Variants in DAB1 observed in about 807,000 individuals in gnomAD.
DAB1 encodes disabled homolog 1.
DAB1 carries 15 observed loss-of-function variants against 64.6 expected under a neutral mutation model. The ratio of observed to expected loss-of-function variants is 0.23; its 90% CI spans 0.16 to 0.36. The LOEUF (loss-of-function observed/expected upper bound fraction) is 0.36, where lower values mean the gene tolerates loss of function less well. DAB1 is among the 10% of genes least tolerant of loss of function. DAB1 has a pLI of 1.00. For synonymous variants in DAB1, 235 were observed against 251.9 expected, an observed-to-expected ratio of 0.93 and a Z score of 0.64; for missense variants, 596 against 706.7, an observed-to-expected ratio of 0.84 and a Z score of 1.78.
At chr1:57,831,346 A>G (rs182786637) in intron 1 of DAB1, among the ~76,000 whole-genome samples, 2 of 152,220 alleles carry the variant, frequency 1.3e-5, no homozygotes, top group African/African-American at 4.8e-5. Flanking sequence ...GTCTAGCTGT[A>G]TATCTGGAGG....
chr1:58,068,715 G>A (rs1649021288), intron 5 of DAB1, among the ~76,000 whole-genome samples: 1 of 145,698 alleles, frequency 6.9e-6, no homozygotes. Context: ...GCAGTGAGCT[G>A]AGATTGCACC....
chr1:58,083,012 A>AT (rs1289907612), intron 5 of DAB1, among the ~76,000 whole-genome samples: 1 of 152,166 alleles, frequency 6.6e-6, no homozygotes, highest in Non-Finnish European at 1.5e-5. Flanking sequence ...CTAACTTGTG[A>AT]TTTTTGATAA....
chr1:57,156,548 TA>T (rs1193705195), intron 2 of DAB1, among the ~76,000 whole-genome samples: 1 of 152,156 alleles, frequency 6.6e-6, no homozygotes, highest in Non-Finnish European at 1.5e-5. Flanking sequence ...CTAAAGTGGG[TA>T]ATGGACTCCA....
intron 1 of DAB1, among the ~76,000 whole-genome samples, chr1:57,317,452 T>A (rs905100418): frequency 6.6e-6 from 1 of 152,198 alleles, no homozygotes; most frequent in African/African-American, 2.4e-5. Context: ...AACACAATTT[T>A]TTTTAGTCAC....
intron 3 of DAB1, among the ~76,000 whole-genome samples, chr1:58,456,551 G>A (rs989844682): frequency 1.3e-5 from 2 of 152,212 alleles, no homozygotes; most frequent in South Asian, 2.1e-4. Context: ...AAGGCTGAGT[G>A]AGGACGGCAG....
chr1:57,136,715 C>G, intron 3 of DAB1, 74 bp from the exon 4 acceptor site: 2 of 904,518 alleles, frequency 2.2e-6, no homozygotes, highest in Non-Finnish European at 3.2e-6. Context: ...AAAGGTATGT[C>G]CGATACCATC....
At chr1:57,774,654 T>A (rs1649710545) in intron 6 of DAB1, among the ~76,000 whole-genome samples, 1 of 151,854 alleles carries the variant, frequency 6.6e-6, no homozygotes, top group South Asian at 2.1e-4. Flanking sequence ...TTTGTATCTA[T>A]AGCGATAGCT....
At chr1:58,051,485 G>A (rs1271339461) in intron 5 of DAB1, among the ~76,000 whole-genome samples, 1 of 152,150 alleles carries the variant, frequency 6.6e-6, no homozygotes, top group East Asian at 1.9e-4. Flanking sequence ...CTTTGCTATT[G>A]TGAATAGTGC....
At chr1:58,076,679 G>C (rs1173374976) in intron 5 of DAB1, among the ~76,000 whole-genome samples, 1 of 152,200 alleles carries the variant, frequency 6.6e-6, no homozygotes. Flanking sequence ...AGTCTTTCCA[G>C]TTCTACTGCA....
chr1:58,226,658 G>A (rs1334921131), intron 4 of DAB1, among the ~76,000 whole-genome samples: 3 of 152,208 alleles, frequency 2.0e-5, no homozygotes, highest in Non-Finnish European at 4.4e-5. Context: ...TTGAATGTTT[G>A]ATTTCTCAGT....
At chr1:57,209,750 C>T (rs1665858370) in intron 2 of DAB1, among the ~76,000 whole-genome samples, 1 of 152,122 alleles carries the variant, frequency 6.6e-6, no homozygotes, top group African/African-American at 2.4e-5. Flanking sequence ...GTTCATAATA[C>T]TTCGCCCTCT....
intron 4 of DAB1, among the ~76,000 whole-genome samples, chr1:58,257,387 G>A (rs1226737326): frequency 6.6e-6 from 1 of 152,198 alleles, no homozygotes; most frequent in East Asian, 1.9e-4. Flanking sequence ...AATCCAGCCT[G>A]CTCTCCAAAC....
intron 7 of DAB1, among the ~76,000 whole-genome samples, chr1:57,585,289 G>A (rs1463614390): frequency 2.1e-5 from 3 of 142,748 alleles, no homozygotes; most frequent in Admixed American, 7.1e-5. Flanking sequence ...TTACACCTTA[G>A]TGACAGAACA....
At chr1:58,451,099 A>AT (rs35435032) in intron 3 of DAB1, among the ~76,000 whole-genome samples, 1 of 152,120 alleles carries the variant, frequency 6.6e-6, no homozygotes, top group Admixed American at 6.5e-5. Flanking sequence ...ATTTAATTTT[A>AT]TTTTTTCAGG....
intron 4 of DAB1, among the ~76,000 whole-genome samples, chr1:58,277,240 A>G (rs1283292947): frequency 6.6e-6 from 1 of 151,846 alleles, no homozygotes; most frequent in Non-Finnish European, 1.5e-5. Context: ...GGGTTTCACC[A>G]TGTTGGCCAC....
At chr1:57,073,632 C>T (rs1343620002) in intron 4 of DAB1, among the ~76,000 whole-genome samples, 1 of 152,142 alleles carries the variant, frequency 6.6e-6, no homozygotes, top group Non-Finnish European at 1.5e-5. Context: ...ATTCCAGCTA[C>T]TGTGTAAACA....
At chr1:57,591,870 T>G (rs1041253696) in intron 7 of DAB1, among the ~76,000 whole-genome samples, 3 of 151,914 alleles carry the variant, frequency 2.0e-5, no homozygotes, top group African/African-American at 7.3e-5. Flanking sequence ...TGTAGCGGAG[T>G]CTTTCATTCT....
chr1:57,255,534 G>T (rs1239885514), intron 2 of DAB1, among the ~76,000 whole-genome samples: 1 of 151,934 alleles, frequency 6.6e-6, no homozygotes, highest in Non-Finnish European at 1.5e-5. Context: ...GTGATGCATG[G>T]CTATAATTCC....
chr1:57,816,511 C>T (rs1397011748), intron 6 of DAB1, among the ~76,000 whole-genome samples: 1 of 152,200 alleles, frequency 6.6e-6, no homozygotes, highest in Non-Finnish European at 1.5e-5. Flanking sequence ...GTCCCATCTT[C>T]CTTTTGACTC....
Sources: allele counts gnomAD v4.1 joint callset (sites outside exome capture counted in the v4.1 genomes callset), GRCh38; gene constraint gnomAD v4.1.1; transcripts MANE v1.5; gene names NCBI Gene and HGNC (gene_info 2026-07-23, HGNC 2026-07-21).